The following TCP1 variants were observed in gnomAD, a reference collection of about 807,000 sequenced individuals.
TCP1 encodes the protein T-complex protein 1 subunit alpha.
A neutral mutation model predicts 54.7 loss-of-function variants in TCP1; 6 were observed. That is an observed-to-expected ratio of 0.11 (90% CI 0.06 to 0.22). TCP1 has a LOEUF of 0.22. Among genes scored for constraint, TCP1 ranks in the 10% least tolerant of loss-of-function variants. The probability of loss-of-function intolerance (pLI) is 1.00; values close to 1 mark genes in which losing one functional copy is unlikely to be tolerated. For synonymous variants in TCP1, 225 were observed against 229.7 expected, an observed-to-expected ratio of 0.98 and a Z score of 0.19; for missense variants, 511 against 678.2, an observed-to-expected ratio of 0.75 and a Z score of 2.74.
At chr6:159,789,360 G>A (rs1780792103) in intron 1 of TCP1, 45 bp downstream of exon 1, 3 of 1,609,294 alleles carry the variant, frequency 1.9e-6, no homozygotes, top group Non-Finnish European at 2.5e-6. Flanking sequence ...GTGGGACTCG[G>A]CCCTCCCCGG....
rs189573767 is a variant in TCP1 at position 159,788,447 on chromosome 6, G to A, written c.65-304C>T. On this transcript the variant is annotated intron_variant, in intron 1 of 11. Transcript: ENST00000321394. The stretch of plus-strand genomic sequence containing the variant: ...ACAAAAAATAAAAACAAAGCCGGAT[G>A]CGGCGGCGCGGACCTGTGCTTGGAG... 3.0e-3 allele frequency: 931 copies of A among 310,498 alleles called. 3 individuals carry two copies. The highest frequency in any genetic ancestry group is 5.6e-3 in the Middle Eastern group (5 of 896). 19.2% of individuals were successfully genotyped at this position (310,498 alleles called of 1,614,324 possible).
At chr6:159,787,675 T>TA in intron 3 of TCP1, 68 bp downstream of exon 3, 1 of 1,574,376 alleles carries the variant, frequency 6.4e-7, no homozygotes, top group South Asian at 1.2e-5. Context: ...ATGACCCACT[T>TA]ATGGCTTCAA....
In TCP1 at chr6:159,785,424, A is replaced by G. The variant is rs1300249029; in HGVS notation, c.450T>C (p.Asn150=). 1 of 1,613,160 alleles carries G rather than the reference A, an allele frequency of 6.2e-7. No homozygotes were observed. The highest frequency in any genetic ancestry group is 8.5e-7 in the Non-Finnish European group (1 of 1,180,010). The change falls in exon 5 of 12, where the codon AAT becomes AAC. Residue 150 remains asparagine (N), a synonymous_variant. Coordinates refer to ENST00000321394, the MANE Select transcript of TCP1 (RefSeq NM_030752.3). ...TGGAAGACATGGATGTCTTAGCAGC[A>G]TTAATCAGGCAATCTCTTCCCAGTT... The part of the protein sequence containing the change: ...TDELGRDCLI[N]AAKTSMSSKI...
rs1375870167 is a variant in TCP1 at position 159,788,382 on chromosome 6, G to A, written c.65-239C>T. On this transcript the variant is annotated intron_variant, in intron 1 of 11. Coordinates refer to ENST00000321394, the MANE Select transcript of TCP1 (RefSeq NM_030752.3). Reference sequence around the variant, plus strand: ...GCAGGAGGATCGCTTGATGCCAGGAGTTTGAGACCCCTTTGGGCAACATAG... The same window carrying A: ...GCAGGAGGATCGCTTGATGCCAGGAATTTGAGACCCCTTTGGGCAACATAG... The A allele has an allele frequency of 2.0e-5, 9 of 443,676 alleles. No homozygotes were observed. The Admixed American group carries it at 3.3e-4, about 16-fold the overall frequency. 27.5% of individuals were successfully genotyped at this position (443,676 alleles called of 1,614,324 possible). A position where few individuals can be genotyped will look rare whatever the true frequency, so the allele number is the denominator to read the frequency against.
At position 159,785,194 on chromosome 6, in the gene TCP1, T is replaced by C. The variant is rs138030074; in HGVS notation, c.488+192A>G. On this transcript the variant is annotated intron_variant, in intron 5 of 11. Transcript: ENST00000321394. ...ACTACGCACGCGTGCGCGCAACACA[T>C]GCGCACACACGCACCCACTCCCGAG... 1,330 of 616,606 alleles carry C rather than the reference T, an allele frequency of 2.2e-3. 14 individuals are homozygous for C. The African/African-American group carries it at 0.022, about 10-fold the overall frequency. The allele number at this position is 616,606 out of a possible 1,614,324, so 38.2% of individuals were successfully genotyped here.
At chr6:159,788,025 A>C in intron 2 of TCP1, 33 bp downstream of exon 2, 1 of 1,610,948 alleles carries the variant, frequency 6.2e-7, no homozygotes, top group East Asian at 2.2e-5. Context: ...GTTTTACTTT[A>C]AGGAAACTAA....
At chr6:159,784,276 A>G (rs1780642101) in intron 6 of TCP1, among the ~76,000 whole-genome samples, 1 of 152,054 alleles carries the variant, frequency 6.6e-6, no homozygotes, top group Non-Finnish European at 1.5e-5. Flanking sequence ...AAAAAGATGT[A>G]CTGCACATAA....
At position 159,788,137 on chromosome 6, in the gene TCP1, G is replaced by A. The variant is rs1780742410; in HGVS notation, c.71C>T (p.Ala24Val). 1 of 1,613,808 alleles carries A rather than the reference G, an allele frequency of 6.2e-7. No individual in the cohort carries two copies. Among genetic ancestry groups the A allele is most frequent in the African/African-American group, 1.3e-5 (1 of 74,916 alleles). ...GETIRSQNVMAAASIANIVKS... is the reference protein window; with the variant it reads ...GETIRSQNVMVAASIANIVKS... ...TACAATATTGGCAATCGAAGCTGCA[G>A]CCATAACTGTAGACAATCAATTAAA... The change falls in exon 2 of 12, where the codon GCT (alanine) becomes GTT (valine). Residue 24 changes from alanine to valine, a missense_variant. Physicochemically the swap from Ala to Val is moderately conservative, Grantham distance 64. This residue lies in a region of TCP1 where 54 missense variants were observed against 111.8 expected (regional missense o/e 0.48). Coordinates refer to ENST00000321394, the MANE Select transcript of TCP1 (RefSeq NM_030752.3).
rs1020655904 is a variant in TCP1 at position 159,789,578 on chromosome 6, C to A, written c.-110G>T. 5 of 1,349,868 alleles carry A rather than the reference C, an allele frequency of 3.7e-6. No individual in the cohort carries two copies. The highest frequency in any genetic ancestry group is 2.9e-5 in the African/African-American group (2 of 69,058). 83.6% of individuals were successfully genotyped at this position (1,349,868 alleles called of 1,614,324 possible). A position where few individuals can be genotyped will look rare whatever the true frequency, so the allele number is the denominator to read the frequency against. ...AGTGGCTGCGACGGCGTGGAGCGTA[C>A]CCGAGCGATGTCCCAGGAGCTACTG... On this transcript the variant is annotated 5_prime_UTR_variant, in exon 1 of 12. Coordinates refer to ENST00000321394, the MANE Select transcript of TCP1 (RefSeq NM_030752.3).
chr6:159,788,238 G>A lies in TCP1; in HGVS notation c.65-95C>T, dbSNP rs1583145333. On this transcript the variant is annotated intron_variant, in intron 1 of 11. Transcript: ENST00000321394. ...GCCTAAAGGTAAATGACATCCAACA[G>A]CCCCCGTATTTCCCAAATCTACAAA... 10 of 1,140,802 alleles carry A rather than the reference G, an allele frequency of 8.8e-6. No individual in the cohort carries two copies. In the Admixed American group the frequency reaches 1.8e-4, roughly 21 times the overall value. 70.7% of individuals were successfully genotyped at this position (1,140,802 alleles called of 1,614,324 possible). A position where few individuals can be genotyped will look rare whatever the true frequency, so the allele number is the denominator to read the frequency against.
intron 7 of TCP1, among the ~76,000 whole-genome samples, chr6:159,782,399 A>T (rs558756506): frequency 1.3e-5 from 2 of 152,354 alleles, no homozygotes; most frequent in South Asian, 2.1e-4. Context: ...GGAAGTTACA[A>T]CAGAATATAA....
intron 3 of TCP1, among the ~76,000 whole-genome samples, chr6:159,787,078 T>TTAAAAAAAAAAA (rs1554269422): frequency 7.5e-6 from 1 of 133,626 alleles, no homozygotes; most frequent in African/African-American, 2.9e-5. Context: ...CCCTGTCTCT[T>TTAAAAAAAAAAA]AAAAAAAAAA....
chr6:159,782,400 C>T (rs577318071), intron 7 of TCP1, among the ~76,000 whole-genome samples: 2 of 152,180 alleles, frequency 1.3e-5, no homozygotes, highest in South Asian at 2.1e-4. Flanking sequence ...GAAGTTACAA[C>T]AGAATATAAT....
chr6:159,786,862 G>A (rs1780709452), intron 3 of TCP1, among the ~76,000 whole-genome samples: 1 of 152,092 alleles, frequency 6.6e-6, no homozygotes, highest in Non-Finnish European at 1.5e-5. Flanking sequence ...CACATTTACT[G>A]ACTCGGTAAG....
chr6:159,780,242 T>A (rs550378956), intron 9 of TCP1, 155 bp from the exon 10 acceptor site: 2 of 1,200,656 alleles, frequency 1.7e-6, no homozygotes, highest in African/African-American at 3.0e-5. Context: ...AGATATACTA[T>A]ACAGAAACAA....
Position 159,780,476 on chromosome 6 carries a change from C to A in TCP1, c.1064G>T (p.Arg355Ile). ...TAAGATCAGCTCATCATCACAAATT[C>A]TCTCCTGTACCACTTCTTCTGCCTG... ...LGQAEEVVQE[R>I]ICDDELILIK... is the part of the protein sequence containing the mutation. The change falls in exon 9 of 12, where the codon AGA (arginine) becomes ATA (isoleucine). Residue 355 changes from arginine (R) to isoleucine (I), a missense_variant. Arg to Ile is a moderately conservative substitution (Grantham distance 97). This residue lies in a region of TCP1 where 305 missense variants were observed against 352.8 expected (regional missense o/e 0.86). Transcript: ENST00000321394. 6.2e-7 allele frequency: 1 copy of A among 1,614,006 alleles called. No individual in the cohort carries two copies. Among genetic ancestry groups the A allele is most frequent in the Non-Finnish European group, 8.5e-7 (1 of 1,179,956 alleles).
intron 9 of TCP1, 88 bp downstream of exon 9, chr6:159,780,355 G>GACT: frequency 6.3e-7 from 1 of 1,579,540 alleles, no homozygotes; most frequent in African/African-American, 1.3e-5. Flanking sequence ...ATCACTGTGA[G>GACT]ACTACAAGCA....
At chr6:159,787,470 T>C (rs1203245688) in intron 3 of TCP1, among the ~76,000 whole-genome samples, 1 of 152,168 alleles carries the variant, frequency 6.6e-6, no homozygotes, top group African/African-American at 2.4e-5. Flanking sequence ...ACAATGGGGC[T>C]ATGTCAAATG....
intron 7 of TCP1, among the ~76,000 whole-genome samples, chr6:159,782,749 AAG>A (rs1245808154): frequency 1.3e-5 from 2 of 151,998 alleles, no homozygotes; most frequent in African/African-American, 2.4e-5. Context: ...AAACAGCTGA[AAG>A]AGTCTCTGGC....
Sources: allele counts gnomAD v4.1 joint callset (sites outside exome capture counted in the v4.1 genomes callset), GRCh38; gene constraint gnomAD v4.1.1; regional missense constraint gnomAD v4.1.1; transcripts MANE v1.5; gene names NCBI Gene and HGNC (gene_info 2026-07-23, HGNC 2026-07-21).